Variants in PKP4 observed in about 807,000 individuals in gnomAD.
PKP4 encodes plakophilin 4.
Under a neutral mutation model 145.1 loss-of-function variants are expected in PKP4, and 90 were observed. The observed-to-expected ratio is 0.62, with a 90% CI of 0.52 to 0.74. The LOEUF (loss-of-function observed/expected upper bound fraction) is 0.74. Among genes scored for constraint, PKP4 ranks in the 30% least tolerant of loss-of-function variants. The probability of loss-of-function intolerance (pLI) is 0.00; values close to 1 mark genes in which losing one functional copy is unlikely to be tolerated. For missense variants in PKP4, 1,340 were observed against 1,482.7 expected, an observed-to-expected ratio of 0.90 and a Z score of 1.58; for synonymous variants, 563 against 577.2, an observed-to-expected ratio of 0.98 and a Z score of 0.35.
rs190850035 is a variant in PKP4, at chr2:158,592,780, T to C, written c.246-10290T>C. 2.4e-4 allele frequency among the ~76,000 whole-genome samples: 37 copies of C among 152,262 alleles called. No individual in the cohort carries two copies. The East Asian group carries it at 7.1e-3, about 29-fold the overall frequency. On this transcript the variant is annotated intron_variant, in intron 3 of 21. Transcript: ENST00000389759. The stretch of plus-strand genomic sequence containing the variant: ...ATTTAGGCTTAAAATTCCTTTTAAG[T>C]AAATTTTTACATAGTCTTTTCAAAG...
chr2:158,529,218 GTAA>G (rs1245513676), intron 1 of PKP4, among the ~76,000 whole-genome samples: 2 of 152,184 alleles, frequency 1.3e-5, no homozygotes, highest in Non-Finnish European at 2.9e-5. Context: ...TATAAAGACA[GTAA>G]TAATACAGGT....
At chr2:158,600,950 G>A (rs2050174886) in intron 3 of PKP4, among the ~76,000 whole-genome samples, 1 of 152,142 alleles carries the variant, frequency 6.6e-6, no homozygotes, top group African/African-American at 2.4e-5. Context: ...AATGCTGTTT[G>A]CTTGATTGTT....
intron 1 of PKP4, among the ~76,000 whole-genome samples, chr2:158,471,449 C>T (rs1398296682): frequency 1.3e-5 from 2 of 152,218 alleles, no homozygotes; most frequent in African/African-American, 4.8e-5. Flanking sequence ...TTTTCTGGAT[C>T]ATGAGATCTA....
chr2:158,544,632 C>G (rs1023215976), intron 2 of PKP4, among the ~76,000 whole-genome samples: 1 of 152,098 alleles, frequency 6.6e-6, no homozygotes, highest in African/African-American at 2.4e-5. Context: ...TTACACTGAT[C>G]GGTGAATATG....
At chr2:158,471,917 A>G (rs1037607169) in intron 1 of PKP4, among the ~76,000 whole-genome samples, 4 of 152,210 alleles carry the variant, frequency 2.6e-5, no homozygotes, top group African/African-American at 9.6e-5. Flanking sequence ...AATATAGCTT[A>G]TCAAGTGGTT....
chr2:158,556,544 G>C (rs930882972), intron 2 of PKP4, among the ~76,000 whole-genome samples: 2 of 121,962 alleles, frequency 1.6e-5, no homozygotes, highest in African/African-American at 6.1e-5. Flanking sequence ...TTTTTAACTT[G>C]TACTTACCAA....
intron 2 of PKP4, among the ~76,000 whole-genome samples, chr2:158,568,107 G>A (rs2047142563): frequency 6.6e-6 from 1 of 152,152 alleles, no homozygotes; most frequent in Non-Finnish European, 1.5e-5. Flanking sequence ...GGCCGAGGCA[G>A]CAGATCACCT....
rs560630805 is a variant in PKP4, at chr2:158,680,716, C to G, written c.*39C>G. On this transcript the variant is annotated 3_prime_UTR_variant, in exon 22 of 22. Coordinates refer to ENST00000389759, the MANE Select transcript of PKP4 (RefSeq NM_003628.6). ...AACAGAGGAACTCTTTCTTTCTAACCTTGTTCAGATTGAGGTGAAAAGTCC... is the reference window on the plus strand; with the variant it reads ...AACAGAGGAACTCTTTCTTTCTAACGTTGTTCAGATTGAGGTGAAAAGTCC... 1.2e-5 allele frequency: 19 copies of G among 1,535,286 alleles called. No individual in the cohort carries two copies. The highest frequency in any genetic ancestry group is 1.7e-4 in the Middle Eastern group (1 of 5,738).
intron 8 of PKP4, 144 bp from the exon 9 acceptor site, chr2:158,633,926 A>T (rs1038831492): frequency 7.0e-6 from 4 of 573,482 alleles, no homozygotes; most frequent in Non-Finnish European, 9.3e-6. Flanking sequence ...TAGCACTAAT[A>T]AGGTAGAATT....
chr2:158,641,662 G>C (rs994735764), intron 10 of PKP4, among the ~76,000 whole-genome samples: 9 of 152,224 alleles, frequency 5.9e-5, no homozygotes, highest in Admixed American at 5.2e-4. Context: ...ACCAGTTCCA[G>C]ACCTAAAAGT....
At chr2:158,516,677 AAGAC>A (rs2041967238) in intron 1 of PKP4, among the ~76,000 whole-genome samples, 1 of 135,258 alleles carries the variant, frequency 7.4e-6, no homozygotes, top group South Asian at 2.2e-4. Flanking sequence ...TTTTTTTTTT[AAGAC>A]AGAGTTCCGC....
At chr2:158,622,695 CAT>C (rs374636373) in intron 6 of PKP4, among the ~76,000 whole-genome samples, 3 of 152,028 alleles carry the variant, frequency 2.0e-5, no homozygotes, top group South Asian at 2.1e-4. Flanking sequence ...ACAAATATAA[CAT>C]ATGAATTTTT....
chr2:158,548,143 A>C (rs1056769244), intron 2 of PKP4, among the ~76,000 whole-genome samples: 10 of 152,222 alleles, frequency 6.6e-5, no homozygotes, highest in African/African-American at 2.2e-4. Context: ...TTTTACTGAA[A>C]TAACATAAGG....
chr2:158,568,292 C>A (rs901411687), intron 2 of PKP4, among the ~76,000 whole-genome samples: 3 of 152,104 alleles, frequency 2.0e-5, no homozygotes, highest in Admixed American at 1.3e-4. Context: ...GAGCTGAGAT[C>A]GTGCCATTGC....
chr2:158,491,706 A>AC (rs1694966735), intron 1 of PKP4, among the ~76,000 whole-genome samples: 2 of 149,796 alleles, frequency 1.3e-5, no homozygotes, highest in Non-Finnish European at 3.0e-5. Flanking sequence ...TTCTCCCTTC[A>AC]CCCCCCACCC....
At chr2:158,479,846 A>G (rs1693068724) in intron 1 of PKP4, among the ~76,000 whole-genome samples, 1 of 152,214 alleles carries the variant, frequency 6.6e-6, no homozygotes, top group Non-Finnish European at 1.5e-5. Flanking sequence ...TATCTAAAGC[A>G]TTTATGATTC....
intron 1 of PKP4, among the ~76,000 whole-genome samples, chr2:158,502,623 A>T (rs962840635): frequency 4.6e-5 from 7 of 152,120 alleles, no homozygotes; most frequent in African/African-American, 1.7e-4. Context: ...CTACCACCTG[A>T]CTTCTTTCCA....
intron 6 of PKP4, among the ~76,000 whole-genome samples, chr2:158,623,280 T>G (rs541179484): frequency 9.7e-4 from 148 of 152,274 alleles, no homozygotes; most frequent in Admixed American, 1.8e-3. Context: ...CTCAAGCGAT[T>G]TTCCTGACTC....
chr2:158,565,977 C>T (rs973830757), intron 2 of PKP4, among the ~76,000 whole-genome samples: 2 of 152,114 alleles, frequency 1.3e-5, no homozygotes, highest in African/African-American at 4.8e-5. Context: ...TCCCAAGGAA[C>T]CATTTAATTG....
Sources: allele counts gnomAD v4.1 joint callset (sites outside exome capture counted in the v4.1 genomes callset), GRCh38; gene constraint gnomAD v4.1.1; transcripts MANE v1.5; gene names NCBI Gene and HGNC (gene_info 2026-07-23, HGNC 2026-07-21).